Variants in ATXN1 observed in about 807,000 individuals in gnomAD.
ATXN1 encodes the protein ataxin 1.
In ATXN1, 8 loss-of-function variants were observed where a neutral mutation model predicts 56.4. The observed-to-expected ratio is 0.14, with a 90% CI of 0.08 to 0.26. ATXN1 has a LOEUF of 0.26. Ranked by LOEUF, ATXN1 falls within the 10% of genes least tolerant of loss-of-function variation. The pLI is 1.00. For missense variants in ATXN1, 987 were observed against 1,106.5 expected, an observed-to-expected ratio of 0.89 and a Z score of 1.53; for synonymous variants, 514 against 494.6, an observed-to-expected ratio of 1.04 and a Z score of -0.52.
intron 2 of ATXN1, among the ~76,000 whole-genome samples, chr6:16,683,657 G>C (rs1758858914): frequency 6.6e-6 from 1 of 152,180 alleles, no homozygotes; most frequent in Admixed American, 6.6e-5. Flanking sequence ...CCTTTCATAT[G>C]AGTCCTTAAA....
At chr6:16,343,070 C>T (rs924357351) in intron 6 of ATXN1, among the ~76,000 whole-genome samples, 5 of 152,272 alleles carry the variant, frequency 3.3e-5, no homozygotes, top group East Asian at 1.9e-4. Flanking sequence ...CATGGCTGGG[C>T]GCGTTGGCTC....
chr6:16,460,090 G>C (rs1371637271), intron 6 of ATXN1, among the ~76,000 whole-genome samples: 1 of 152,038 alleles, frequency 6.6e-6, no homozygotes, highest in Non-Finnish European at 1.5e-5. Flanking sequence ...TGGATCCCCG[G>C]ATACAGCGAG....
intron 6 of ATXN1, among the ~76,000 whole-genome samples, chr6:16,437,466 C>T (rs1010353510): frequency 6.6e-6 from 1 of 152,234 alleles, no homozygotes; most frequent in Non-Finnish European, 1.5e-5. Context: ...CTGCTCTTCC[C>T]ATGCACTAAG....
chr6:16,730,667 T>C (rs1759956287), intron 2 of ATXN1, among the ~76,000 whole-genome samples: 1 of 152,044 alleles, frequency 6.6e-6, no homozygotes, highest in Admixed American at 6.5e-5. Flanking sequence ...TGCCTGAAGA[T>C]TGTATTCTTG....
At chr6:16,466,894 T>A (rs865907679) in intron 6 of ATXN1, among the ~76,000 whole-genome samples, 2 of 152,250 alleles carry the variant, frequency 1.3e-5, no homozygotes, top group Non-Finnish European at 2.9e-5. Flanking sequence ...AGGATTAATG[T>A]TCTTTCCATC....
rs370746270 is a variant in ATXN1, at chr6:16,306,709, G to C, written c.2068C>G (p.Leu690Val). The change falls in exon 8 of 8, where the codon CTG (leucine) becomes GTG (valine). Residue 690 changes from leucine to valine, a missense_variant. This residue lies in a region of ATXN1 where 196 missense variants were observed against 196.7 expected (regional missense o/e 1.00). Coordinates refer to ENST00000436367, the MANE Select transcript of ATXN1 (RefSeq NM_001128164.2). This position sits in a 1 kb window ranked among gnomAD's most constrained non-coding sequence, Gnocchi z 5.2. ...CCCTTTTTAACAGAGCCGTTCTTCA[G>C]GTTCTTGAGGGTAAGCGAGATGCAG... Reference protein sequence around the residue: ...DVCISLTLKNLKNGSVKKGQP... With the variant: ...DVCISLTLKNVKNGSVKKGQP... 4 of 1,614,082 alleles carry C rather than the reference G, an allele frequency of 2.5e-6. No homozygotes were observed. In the African/African-American group the frequency reaches 4.0e-5, roughly 16 times the overall value.
chr6:16,624,354 GAAAAA>G (rs58614013), intron 3 of ATXN1, among the ~76,000 whole-genome samples: 1 of 109,270 alleles, frequency 9.2e-6, no homozygotes, highest in African/African-American at 3.1e-5. Flanking sequence ...TTTGTCTCAA[GAAAAA>G]AAAAAAAAAA....
At chr6:16,509,805 ACTGT>A (rs750770301) in intron 5 of ATXN1, among the ~76,000 whole-genome samples, 2 of 152,090 alleles carry the variant, frequency 1.3e-5, no homozygotes, top group Non-Finnish European at 2.9e-5. Context: ...TCCATCCCAG[ACTGT>A]CTGACAGTCT....
chr6:16,731,681 T>C (rs980370998), intron 2 of ATXN1, among the ~76,000 whole-genome samples: 3 of 152,012 alleles, frequency 2.0e-5, no homozygotes, highest in Non-Finnish European at 2.9e-5. Flanking sequence ...TTTTTCCCCA[T>C]GATATCTCTG....
intron 5 of ATXN1, among the ~76,000 whole-genome samples, chr6:16,488,097 CCTT>C (rs1468860196): frequency 6.6e-6 from 1 of 152,172 alleles, no homozygotes; most frequent in Non-Finnish European, 1.5e-5. Flanking sequence ...GCAACACACA[CCTT>C]CTCTGTGATT....
chr6:16,549,694 T>G (rs1761880623), intron 4 of ATXN1, among the ~76,000 whole-genome samples: 1 of 151,964 alleles, frequency 6.6e-6, no homozygotes, highest in African/African-American at 2.4e-5. Flanking sequence ...GGCTGGGAGT[T>G]CGAGACCAGC....
chr6:16,758,156 T>G (rs532990308), intron 1 of ATXN1, among the ~76,000 whole-genome samples: 55 of 152,384 alleles, frequency 3.6e-4, no homozygotes, highest in Non-Finnish European at 6.2e-4. Context: ...TTATGATGGC[T>G]GTCAAGTTTT....
Position 16,327,985 on chromosome 6 carries a change from G to A in ATXN1, c.326C>T (p.Pro109Leu), listed in dbSNP as rs752493191. The A allele has an allele frequency of 7.4e-6, 12 of 1,613,480 alleles. No individual in the cohort carries two copies. The highest frequency in any genetic ancestry group is 2.2e-5 in the East Asian group (1 of 44,888). ...ATTLPAAYAT[P>L]QPGTPVSPVQ... ...GGGGGACACCGGGGTCCCTGGCTGC[G>A]GGGTGGCGTACGCGGCAGGCAGCGT... Residue 109 changes from proline to leucine, a missense_variant, in exon 7 of 8, where the codon CCG (proline) becomes CTG (leucine). By Grantham distance (98) the Pro-to-Leu change is moderately conservative. Around this residue, in one of 3 missense-constraint regions of ATXN1, gnomAD observed 723 missense variants for 791.7 expected, o/e 0.91. Transcript: ENST00000436367.
rs549466841 is a variant in ATXN1 at position 16,363,964 on chromosome 6, C to A, written c.-160-35494G>T. Among the ~76,000 whole-genome samples the A allele has an allele frequency of 3.7e-4, 56 of 152,342 alleles. 1 individual carries two copies. Among genetic ancestry groups the A allele is most frequent in the African/African-American group, 1.3e-3 (56 of 41,590 alleles). On this transcript the variant is annotated intron_variant, in intron 6 of 7. Coordinates refer to ENST00000436367, the MANE Select transcript of ATXN1 (RefSeq NM_001128164.2). Reference sequence around the variant, plus strand: ...AATTGCTGAGTCAGTGGGAATTTCTCAGGGAATCCATGTTCCGCTGGCTCT... The same window carrying A: ...AATTGCTGAGTCAGTGGGAATTTCTAAGGGAATCCATGTTCCGCTGGCTCT...
chr6:16,620,039 G>A (rs1561781911), intron 3 of ATXN1, among the ~76,000 whole-genome samples: 1 of 152,082 alleles, frequency 6.6e-6, no homozygotes, highest in Non-Finnish European at 1.5e-5. Flanking sequence ...AATTTTACAT[G>A]TATGTAAAGC....
intron 6 of ATXN1, among the ~76,000 whole-genome samples, chr6:16,374,464 G>A (rs1447190765): frequency 6.6e-6 from 1 of 152,146 alleles, no homozygotes; most frequent in Non-Finnish European, 1.5e-5. Flanking sequence ...AAGTTCCACA[G>A]AGCCCTTTCT....
At chr6:16,350,559 G>T (rs1456861158) in intron 6 of ATXN1, among the ~76,000 whole-genome samples, 1 of 152,188 alleles carries the variant, frequency 6.6e-6, no homozygotes, top group African/African-American at 2.4e-5. Context: ...AATTGTGTCA[G>T]TCTTTCTTCA....
At chr6:16,472,833 T>C (rs533844151) in intron 6 of ATXN1, among the ~76,000 whole-genome samples, 2 of 152,084 alleles carry the variant, frequency 1.3e-5, no homozygotes, top group Non-Finnish European at 2.9e-5. Flanking sequence ...CCCCTAAAGG[T>C]GCCAGAGCAG....
intron 6 of ATXN1, among the ~76,000 whole-genome samples, chr6:16,361,487 T>G (rs1761807025): frequency 6.6e-6 from 1 of 152,158 alleles, no homozygotes; most frequent in African/African-American, 2.4e-5. Context: ...TGAGGAAATA[T>G]CTGATGGATT....
Sources: gnomAD v4.1 joint callset for allele counts (sites outside exome capture counted in the v4.1 genomes callset) on GRCh38, gnomAD v4.1.1 for gene constraint, gnomAD v4.1.1 regional missense constraint, Gnocchi (gnomAD v3.1) non-coding constraint, MANE v1.5 for transcripts, NCBI Gene and HGNC (gene_info 2026-07-23, HGNC 2026-07-21) for gene names.